The following ZMAT4 variants were observed in gnomAD, a reference collection of about 807,000 sequenced individuals.
ZMAT4 encodes the protein zinc finger matrin-type protein 4.
Under a neutral mutation model 28.7 loss-of-function variants are expected in ZMAT4, and 17 were observed. The ratio of observed to expected loss-of-function variants is 0.59; its 90% confidence interval spans 0.41 to 0.89. The LOEUF (loss-of-function observed/expected upper bound fraction) is 0.89. Ranked by LOEUF, ZMAT4 falls within the 40% of genes least tolerant of loss-of-function variation. ZMAT4 has a pLI of 0.00. For missense variants in ZMAT4, 240 were observed against 283.8 expected (o/e 0.85, Z 1.11); for synonymous variants, 117 against 109.2 (o/e 1.07, Z -0.44).
rs1554523988 is a variant in ZMAT4 at position 40,589,731 on chromosome 8, C to CTTTCTTTCTTTCTTTCTTTCTTTCTTT, written c.578-8471_578-8470insAAAGAAAGAAAGAAAGAAAGAAAGAAA. ...CTTCTTCCTTCTTCCTTCTTCCTTTCCTTTCTTTCTTTCTTTCTTTCTTTC... is the reference window on the plus strand; with the variant it reads ...CTTCTTCCTTCTTCCTTCTTCCTTTCTTTCTTTCTTTCTTTCTTTCTTTCTTTCTTTCTTTCTTTCTTTCTTTCTTTC... On this transcript the variant is annotated intron_variant, in intron 5 of 6. Coordinates refer to ENST00000297737, the MANE Select transcript of ZMAT4 (RefSeq NM_024645.3). Among the ~76,000 whole-genome samples the CTTTCTTTCTTTCTTTCTTTCTTTCTTT allele has an allele frequency of 2.4e-3, 336 of 139,382 alleles. 3 individuals carry two copies. The highest frequency in any genetic ancestry group is 8.1e-3 in the African/African-American group (304 of 37,338). The allele number at this position is 139,382 out of a possible 152,430, so 91.4% of individuals were successfully genotyped here. A position where few individuals can be genotyped will look rare whatever the true frequency, so the allele number is the denominator to read the frequency against.
chr8:40,795,768 C>T (rs919120290), intron 2 of ZMAT4, among the ~76,000 whole-genome samples: 3 of 152,196 alleles, frequency 2.0e-5, no homozygotes, highest in African/African-American at 7.2e-5. Context: ...CTGCAAATTG[C>T]AAACCGATGA....
At chr8:40,535,825 C>G (rs950708132) in intron 6 of ZMAT4, among the ~76,000 whole-genome samples, 24 of 152,178 alleles carry the variant, frequency 1.6e-4, no homozygotes, top group Admixed American at 1.2e-3. Flanking sequence ...GTAAACTGTT[C>G]AATAAGCCAG....
chr8:40,677,295 ATTT>A (rs11311291), intron 4 of ZMAT4, among the ~76,000 whole-genome samples: 2,670 of 144,156 alleles, frequency 0.019, 67 homozygotes, highest in African/African-American at 0.057. Context: ...AGTTTAAAGG[ATTT>A]TTTTTTTTTT....
intron 6 of ZMAT4, among the ~76,000 whole-genome samples, chr8:40,569,058 GAT>G (rs1364157662): frequency 6.6e-6 from 1 of 152,148 alleles, no homozygotes; most frequent in Non-Finnish European, 1.5e-5. Flanking sequence ...GTACTCAACG[GAT>G]TTTGATTATG....
intron 3 of ZMAT4, among the ~76,000 whole-genome samples, chr8:40,731,923 A>G (rs117724692): frequency 0.016 from 2,504 of 152,304 alleles, 36 homozygotes; most frequent in Non-Finnish European, 0.023. Flanking sequence ...AAATGCTGAA[A>G]CATGGATGAA....
intron 1 of ZMAT4, among the ~76,000 whole-genome samples, chr8:40,892,751 G>A (rs771045072): frequency 6.6e-6 from 1 of 152,206 alleles, no homozygotes; most frequent in Non-Finnish European, 1.5e-5. Context: ...GATTAGACTT[G>A]ATGAATGATT....
intron 1 of ZMAT4, among the ~76,000 whole-genome samples, chr8:40,886,369 C>T (rs1029711924): frequency 5.9e-5 from 9 of 152,224 alleles, no homozygotes; most frequent in African/African-American, 2.2e-4. Flanking sequence ...TTCCTTCCCT[C>T]GCTCCTCCAG....
intron 1 of ZMAT4, among the ~76,000 whole-genome samples, chr8:40,877,230 C>A (rs933684742): frequency 5.3e-5 from 8 of 152,140 alleles, no homozygotes; most frequent in Non-Finnish European, 8.8e-5. Context: ...TCAGAAGAAC[C>A]CAGCCCTGCA....
At chr8:40,696,825 A>T (rs932308151) in intron 4 of ZMAT4, among the ~76,000 whole-genome samples, 7 of 151,896 alleles carry the variant, frequency 4.6e-5, no homozygotes, top group Non-Finnish European at 7.4e-5. Flanking sequence ...CTGCCAAGGT[A>T]AAAAAAAGGA....
At chr8:40,896,082 G>A (rs576502272) in intron 1 of ZMAT4, among the ~76,000 whole-genome samples, 21 of 152,310 alleles carry the variant, frequency 1.4e-4, no homozygotes, top group African/African-American at 4.6e-4. Context: ...AAAAAAAAGT[G>A]GGCAGGCATT....
intron 1 of ZMAT4, among the ~76,000 whole-genome samples, chr8:40,860,572 T>C (rs140571786): frequency 2.2e-4 from 33 of 152,322 alleles, no homozygotes; most frequent in African/African-American, 7.5e-4. Context: ...CACCCAGCCA[T>C]AGATCTGTGC....
intron 5 of ZMAT4, among the ~76,000 whole-genome samples, chr8:40,607,117 C>CTTTTTTTTT (rs71544299): frequency 3.5e-4 from 23 of 65,718 alleles, no homozygotes; most frequent in East Asian, 4.4e-4. Flanking sequence ...TATCTTGTAT[C>CTTTTTTTTT]TTTTTTTTTT....
At chr8:40,588,038 T>A (rs1804725579) in intron 5 of ZMAT4, among the ~76,000 whole-genome samples, 1 of 151,938 alleles carries the variant, frequency 6.6e-6, no homozygotes, top group African/African-American at 2.4e-5. Context: ...AAGAAGAAAT[T>A]CATCAGGAGA....
intron 5 of ZMAT4, among the ~76,000 whole-genome samples, chr8:40,644,031 A>G (rs1807183179): frequency 6.6e-6 from 1 of 152,170 alleles, no homozygotes; most frequent in African/African-American, 2.4e-5. Flanking sequence ...AAACCAGGGT[A>G]ATGGCATAAT....
intron 2 of ZMAT4, among the ~76,000 whole-genome samples, chr8:40,824,699 GA>G (rs1815963287): frequency 7.8e-6 from 1 of 128,638 alleles, no homozygotes; most frequent in African/African-American, 3.0e-5. Context: ...AATAAAGAAA[GA>G]AAGAAAAGAA....
At position 40,617,478 on chromosome 8, in the gene ZMAT4, C is replaced by A. The variant is rs1189375160; in HGVS notation, c.578-36217G>T. 2.6e-5 allele frequency among the ~76,000 whole-genome samples: 4 copies of A among 152,162 alleles called. No homozygotes were observed. The East Asian group carries it at 7.7e-4, about 29-fold the overall frequency. ...GTTGTTGCAATTTTAGTAGCAGAGG[C>A]AGCTTCTAAGAGAGCATTCTAAACA... is the stretch of plus-strand genomic sequence containing the variant. On this transcript the variant is annotated intron_variant, in intron 5 of 6. Transcript: ENST00000297737.
rs566242841 is a variant in ZMAT4 at position 40,791,357 on chromosome 8, T to A, written c.103-23627A>T. ...CTCCAAAGTACTTAAGCCTGGGAAATCCCGCTTCCAAAGCAGAGGGTTATA... is the reference window on the plus strand; with the variant it reads ...CTCCAAAGTACTTAAGCCTGGGAAAACCCGCTTCCAAAGCAGAGGGTTATA... On this transcript the variant is annotated intron_variant, in intron 2 of 6. Transcript: ENST00000297737. Among the ~76,000 whole-genome samples the A allele has an allele frequency of 5.3e-5, 8 of 152,214 alleles. No individual in the cohort carries two copies. In the South Asian group the frequency reaches 1.7e-3, roughly 32 times the overall value.
intron 5 of ZMAT4, among the ~76,000 whole-genome samples, chr8:40,611,384 G>A (rs1389068355): frequency 6.6e-6 from 1 of 150,852 alleles, no homozygotes; most frequent in Non-Finnish European, 1.5e-5. Context: ...ATGGAGTCTC[G>A]CTCTGTCACC....
intron 2 of ZMAT4, among the ~76,000 whole-genome samples, chr8:40,801,534 G>A (rs1382082551): frequency 6.6e-6 from 1 of 151,608 alleles, no homozygotes; most frequent in Non-Finnish European, 1.5e-5. Flanking sequence ...ACTGGGTGAG[G>A]TGGTGCACAC....
Sources: allele counts gnomAD v4.1 joint callset (sites outside exome capture counted in the v4.1 genomes callset), GRCh38; gene constraint gnomAD v4.1.1; transcripts MANE v1.5; gene names NCBI Gene and HGNC (gene_info 2026-07-23, HGNC 2026-07-21).